Variants in SYNE1 observed in about 807,000 individuals in gnomAD.
SYNE1 encodes nesprin-1.
In SYNE1, 616 loss-of-function variants were observed where a neutral mutation model predicts 1,111.0. The ratio of observed to expected loss-of-function variants is 0.55; its 90% CI spans 0.52 to 0.59. SYNE1 has a LOEUF of 0.59. Ranked by LOEUF, SYNE1 falls within the 20% of genes least tolerant of loss-of-function variation. SYNE1 has a pLI of 0.00. For missense variants in SYNE1, 10,006 were observed against 10,417.0 expected, an observed-to-expected ratio of 0.96 and a Z score of 1.72; for synonymous variants, 3,855 against 3,825.8, an observed-to-expected ratio of 1.01 and a Z score of -0.28.
rs769324628 is a variant in SYNE1, at chr6:152,369,547, G to A, written c.9575C>T (p.Thr3192Ile). 2 of 1,614,166 alleles carry A rather than the reference G, an allele frequency of 1.2e-6. No homozygotes were observed. The highest frequency in any genetic ancestry group is 1.7e-6 in the Non-Finnish European group (2 of 1,180,030). The change falls in exon 60 of 146, where the codon ACT (threonine) becomes ATT (isoleucine). Residue 3192 changes from threonine to isoleucine, a missense_variant. This residue lies in a region of SYNE1 where 4,955 missense variants were observed against 5,017.2 expected (regional missense o/e 0.99). Transcript: ENST00000367255. ...AEPIQDWLSK[T>I]EKMVHESSNR... The stretch of plus-strand genomic sequence containing the variant: ...GCTGCTTTCATGGACCATCTTCTCA[G>A]TTTTACTCAGCCAGTCCTGGATAGG...
intron 98 of SYNE1, among the ~76,000 whole-genome samples, chr6:152,270,577 A>G (rs2093117470): frequency 6.6e-6 from 1 of 152,246 alleles, no homozygotes; most frequent in African/African-American, 2.4e-5. Context: ...TTAGTTCTGA[A>G]TGAGAGCTTT....
chr6:152,388,413 A>G (rs1246727987), intron 53 of SYNE1, among the ~76,000 whole-genome samples: 1 of 152,052 alleles, frequency 6.6e-6, no homozygotes, highest in Non-Finnish European at 1.5e-5. Context: ...ACGCCTGGCT[A>G]ATTTTTATAT....
chr6:152,232,270 C>T lies in SYNE1; in HGVS notation c.20713-5G>A, dbSNP rs2082946897. ...AGGCAGTTTATCCATCTGGAGCTGT[C>T]CAAGTCAGGGAGAGAACCAGTCCCA... On this transcript the variant is annotated splice_region_variant and splice_polypyrimidine_tract_variant and intron_variant, in intron 112 of 145. Coordinates refer to ENST00000367255, the MANE Select transcript of SYNE1 (RefSeq NM_182961.4). 6.2e-7 allele frequency: 1 copy of T among 1,613,818 alleles called. No individual in the cohort carries two copies. Among genetic ancestry groups the T allele is most frequent in the Non-Finnish European group, 8.5e-7 (1 of 1,179,882 alleles).
intron 95 of SYNE1, among the ~76,000 whole-genome samples, chr6:152,290,375 G>A (rs1010723716): frequency 6.6e-6 from 1 of 152,156 alleles, no homozygotes; most frequent in African/African-American, 2.4e-5. Flanking sequence ...TGGCCAACAT[G>A]GTGAAACCTC....
rs771044822 is a variant in SYNE1 at position 152,376,850 on chromosome 6, A to G, written c.9072T>C (p.Asn3024=). 15 of 1,614,150 alleles carry G rather than the reference A, an allele frequency of 9.3e-6. No homozygotes were observed. The South Asian group carries it at 1.2e-4, about 13-fold the overall frequency. Residue 3024 remains asparagine, a synonymous_variant, in exon 57 of 146, where the codon AAT becomes AAC. Transcript: ENST00000367255. ...PRTEDLKSQL[N]ELCRFSRDLS... is the part of the protein sequence containing the mutation. ...GGTCTCTGGAAAATCGACAAAGTTC[A>G]TTCAGCTGAGACTTGAGATCCTCTG... is the stretch of plus-strand genomic sequence containing the variant.
intron 133 of SYNE1, among the ~76,000 whole-genome samples, chr6:152,152,698 A>C (rs1354965935): frequency 6.6e-6 from 1 of 152,222 alleles, no homozygotes; most frequent in African/African-American, 2.4e-5. Context: ...CTTCCAAAAA[A>C]TCAAGCTATT....
At chr6:152,594,711 C>G (rs1322701327) in intron 3 of SYNE1, among the ~76,000 whole-genome samples, 2 of 152,188 alleles carry the variant, frequency 1.3e-5, no homozygotes, top group Admixed American at 1.3e-4. Flanking sequence ...TCCCAACTCT[C>G]TTGTACAAAA....
chr6:152,470,070 CGTAT>C (rs2098796912), intron 16 of SYNE1, among the ~76,000 whole-genome samples: 1 of 152,010 alleles, frequency 6.6e-6, no homozygotes. Flanking sequence ...AAGCATGCTA[CGTAT>C]GTAGGATAAT....
At chr6:152,367,848 T>C (rs554466722) in intron 61 of SYNE1, 2 of 202,338 alleles carry the variant, frequency 9.9e-6, no homozygotes, top group South Asian at 8.8e-5. Context: ...TTATCAATTA[T>C]AGGTTATATC....
chr6:152,176,264 A>C, intron 130 of SYNE1, 130 bp downstream of exon 130: 1 of 1,272,334 alleles, frequency 7.9e-7, no homozygotes, highest in East Asian at 2.3e-5. Flanking sequence ...GAGCATGAAC[A>C]GTTTTGAAAA....
chr6:152,464,304 T>G (rs146675086), intron 18 of SYNE1, among the ~76,000 whole-genome samples: 1 of 152,252 alleles, frequency 6.6e-6, no homozygotes, highest in Non-Finnish European at 1.5e-5. Context: ...CAAAATCCAT[T>G]TCGTAAGCCT....
intron 54 of SYNE1, among the ~76,000 whole-genome samples, 200 bp downstream of exon 54, chr6:152,386,872 G>A (rs191462030): frequency 3.9e-5 from 6 of 152,080 alleles, no homozygotes. Context: ...AAATGAATAG[G>A]CATTCATAGT....
chr6:152,318,139 G>A lies in SYNE1; in HGVS notation c.16514C>T (p.Thr5505Ile). 1.9e-6 allele frequency: 3 copies of A among 1,614,168 alleles called. No homozygotes were observed. Among genetic ancestry groups the A allele is most frequent in the Non-Finnish European group, 1.7e-6 (2 of 1,180,030 alleles). Residue 5505 changes from threonine to isoleucine, a missense_variant, in exon 86 of 146, where the codon ACT becomes ATT. By Grantham distance (89) the Thr-to-Ile change is moderately conservative (BLOSUM62 -1). Transcript: ENST00000367255. ...KPLAKKIGKL[T>I]ELHQQTIRQA... ...TCTAATGGTCTGCTGGTGAAGTTCAGTCAGTTTTCCTATCTTCTTGGCCAG... is the reference window on the plus strand; with the variant it reads ...TCTAATGGTCTGCTGGTGAAGTTCAATCAGTTTTCCTATCTTCTTGGCCAG...
At chr6:152,386,018 C>A (rs1157553197) in intron 54 of SYNE1, among the ~76,000 whole-genome samples, 180 bp from the exon 55 acceptor site, 1 of 152,132 alleles carries the variant, frequency 6.6e-6, no homozygotes, top group East Asian at 1.9e-4. Flanking sequence ...AATGTCAAGG[C>A]TTTGGAAAAG....
At chr6:152,215,207 C>T in intron 121 of SYNE1, 147 bp from the exon 122 acceptor site, 2 of 888,784 alleles carry the variant, frequency 2.3e-6, no homozygotes, top group Non-Finnish European at 3.5e-6. Context: ...CTTACAATCT[C>T]TAGGTACGAA....
At chr6:152,252,309 A>T (rs2089565031) in intron 104 of SYNE1, among the ~76,000 whole-genome samples, 4 of 151,772 alleles carry the variant, frequency 2.6e-5, no homozygotes, top group Non-Finnish European at 5.9e-5. Context: ...ATAAATAATA[A>T]AATAAATAAA....
chr6:152,444,131 C>T (rs2098555728), intron 30 of SYNE1, among the ~76,000 whole-genome samples: 1 of 152,214 alleles, frequency 6.6e-6, no homozygotes, highest in South Asian at 2.1e-4. Context: ...TGCAGTTTTT[C>T]ATAGCTAAAT....
intron 131 of SYNE1, among the ~76,000 whole-genome samples, chr6:152,156,712 A>T (rs1423003087): frequency 1.3e-5 from 2 of 152,208 alleles, no homozygotes; most frequent in Non-Finnish European, 2.9e-5. Context: ...TTGTTTTCCA[A>T]ATACTTTTGA....
intron 6 of SYNE1, among the ~76,000 whole-genome samples, chr6:152,513,605 A>T (rs993695639): frequency 3.3e-5 from 5 of 152,294 alleles, no homozygotes; most frequent in African/African-American, 1.2e-4. Context: ...AAGTGCTGGT[A>T]TTACAGGAGT....
Sources: gnomAD v4.1 joint callset for allele counts (sites outside exome capture counted in the v4.1 genomes callset) on GRCh38, gnomAD v4.1.1 for gene constraint, gnomAD v4.1.1 regional missense constraint, MANE v1.5 for transcripts, NCBI Gene and HGNC (gene_info 2026-07-23, HGNC 2026-07-21) for gene names.